The following DDHD1 variants were observed in gnomAD, a reference collection of about 807,000 sequenced individuals.
The protein encoded by DDHD1 is phospholipase DDHD1.
Under a neutral mutation model 96.4 loss-of-function variants are expected in DDHD1, and 49 were observed. That is an observed-to-expected ratio of 0.51 (90% CI 0.40 to 0.64). The LOEUF (loss-of-function observed/expected upper bound fraction) is 0.64, where lower values mean the gene tolerates loss of function less well. Among genes scored for constraint, DDHD1 ranks in the 30% least tolerant of loss-of-function variants. DDHD1 has a pLI of 0.00. For synonymous variants in DDHD1, 442 were observed against 446.5 expected, an observed-to-expected ratio of 0.99 and a Z score of 0.13; for missense variants, 1,106 against 1,161.2, an observed-to-expected ratio of 0.95 and a Z score of 0.69.
In DDHD1 at chr14:53,091,874, G is replaced by A; in HGVS notation, c.1200C>T (p.Asp400=). Residue 400 remains aspartate (D), a synonymous_variant, in exon 4 of 13, where the codon GAC becomes GAT. Coordinates refer to ENST00000673822, the MANE Select transcript of DDHD1 (RefSeq NM_001160148.2). The stretch of plus-strand genomic sequence containing the variant: ...CAATATGGGTAGTCTGTGATGGCTT[G>A]TCTTCTAATGTGGCTTCTTCTACAT... ...RGYVEEATLE[D]KPSQTTHIVF... is the part of the protein sequence containing the mutation. The A allele has an allele frequency of 6.2e-7, 1 of 1,613,620 alleles. No homozygotes were observed. The highest frequency in any genetic ancestry group is 8.5e-7 in the Non-Finnish European group (1 of 1,179,722).
chr14:53,092,141 G>C (rs945620115), intron 3 of DDHD1: 8 of 371,920 alleles, frequency 2.2e-5, no homozygotes, highest in Non-Finnish European at 3.8e-5. Flanking sequence ...AAACCATAAA[G>C]AGAAAGAAAT....
At chr14:53,149,051 C>T (rs1414839764) in intron 1 of DDHD1, among the ~76,000 whole-genome samples, 1 of 152,092 alleles carries the variant, frequency 6.6e-6, no homozygotes, top group Non-Finnish European at 1.5e-5. Flanking sequence ...TCTAAACATA[C>T]AATAAAACAA....
chr14:53,062,880 G>C (rs767002557), intron 7 of DDHD1, 63 bp downstream of exon 7: 1 of 1,523,730 alleles, frequency 6.6e-7, no homozygotes, highest in South Asian at 1.2e-5. Flanking sequence ...TAGTTTTCTC[G>C]TAAGAGGTCC....
At chr14:53,137,256 A>G (rs1890304167) in intron 1 of DDHD1, among the ~76,000 whole-genome samples, 1 of 152,222 alleles carries the variant, frequency 6.6e-6, no homozygotes, top group Admixed American at 6.6e-5. Context: ...ACAGCAATAG[A>G]AACATAATAG....
intron 1 of DDHD1, among the ~76,000 whole-genome samples, chr14:53,121,495 G>A (rs976908743): frequency 7.9e-5 from 12 of 152,110 alleles, no homozygotes; most frequent in African/African-American, 2.7e-4. Context: ...TGTTCACTGT[G>A]GCACTATTTA....
intron 10 of DDHD1, among the ~76,000 whole-genome samples, chr14:53,055,071 A>C (rs1307598424): frequency 6.6e-6 from 1 of 152,242 alleles, no homozygotes; most frequent in Non-Finnish European, 1.5e-5. Flanking sequence ...AGTCCAGGAG[A>C]TAAAGCCTAT....
chr14:53,060,988 C>T, intron 8 of DDHD1, 138 bp downstream of exon 8: 9 of 789,232 alleles, frequency 1.1e-5, no homozygotes, highest in Non-Finnish European at 1.8e-5. Flanking sequence ...ATGGCAGTGT[C>T]CAACATATAG....
chr14:53,121,053 G>A (rs1251846630), intron 1 of DDHD1, among the ~76,000 whole-genome samples: 2 of 151,756 alleles, frequency 1.3e-5, no homozygotes, highest in East Asian at 1.9e-4. Flanking sequence ...CCTGACAAAG[G>A]TCTAATATCC....
rs770647790 is a variant in DDHD1, at chr14:53,072,551, G to A, written c.1503+46C>T. 17 of 1,097,512 alleles carry A rather than the reference G, an allele frequency of 1.5e-5. No homozygotes were observed. The Middle Eastern group carries it at 6.4e-4, about 42-fold the overall frequency. 68.0% of individuals were successfully genotyped at this position (1,097,512 alleles called of 1,614,324 possible). On this transcript the variant is annotated intron_variant, in intron 6 of 12. Transcript: ENST00000673822. ...ATGTAAAAATTCAGGACATTTATAA[G>A]CTATCACTAAAAAATACCCACCAGC...
chr14:53,114,746 G>C (rs1330820949), intron 1 of DDHD1, among the ~76,000 whole-genome samples: 1 of 152,196 alleles, frequency 6.6e-6, no homozygotes. Context: ...ATCAAAGGTA[G>C]ATAAATCCAC....
intron 1 of DDHD1, among the ~76,000 whole-genome samples, chr14:53,118,105 G>A (rs1448135207): frequency 1.3e-5 from 2 of 152,080 alleles, no homozygotes; most frequent in African/African-American, 4.8e-5. Flanking sequence ...AAACAGAAAG[G>A]AACAGCATCA....
At chr14:53,051,995 A>G (rs1419160601) in intron 11 of DDHD1, 68 bp from the exon 12 acceptor site, 2 of 1,104,576 alleles carry the variant, frequency 1.8e-6, no homozygotes, top group Non-Finnish European at 2.7e-6. Flanking sequence ...TCAATGATGT[A>G]GTGGCCAAAA....
chr14:53,117,242 T>C (rs866999960), intron 1 of DDHD1, among the ~76,000 whole-genome samples: 21 of 152,142 alleles, frequency 1.4e-4, no homozygotes, highest in Non-Finnish European at 1.3e-4. Flanking sequence ...CAGAAGTGAA[T>C]GATTTCTGCA....
Position 53,043,809 on chromosome 14 carries a change from T to C in DDHD1, c.*2959A>G, listed in dbSNP as rs934798243. On this transcript the variant is annotated 3_prime_UTR_variant, in exon 13 of 13. Coordinates refer to ENST00000673822, the MANE Select transcript of DDHD1 (RefSeq NM_001160148.2). The stretch of plus-strand genomic sequence containing the variant: ...CAAGATTACTGTTGAAAAGAAAGTA[T>C]GAACTAACATAAGGCCTTAGCAAGA... The C allele has an allele frequency of 3.3e-5, 5 of 152,162 alleles. No individual in the cohort carries two copies. The highest frequency in any genetic ancestry group is 1.2e-4 in the African/African-American group (5 of 41,434). 9.4% of individuals were successfully genotyped at this position (152,162 alleles called of 1,614,324 possible).
intron 1 of DDHD1, among the ~76,000 whole-genome samples, chr14:53,148,837 T>G (rs1279915732): frequency 6.6e-6 from 1 of 152,222 alleles, no homozygotes; most frequent in African/African-American, 2.4e-5. Context: ...ATAAGGTGTA[T>G]AGTTTTTGTG....
chr14:53,088,139 T>C (rs1348427885), intron 4 of DDHD1, among the ~76,000 whole-genome samples: 1 of 152,082 alleles, frequency 6.6e-6, no homozygotes, highest in South Asian at 2.1e-4. Context: ...AATCACTGAA[T>C]AGACCAATAA....
chr14:53,091,898 A>G lies in DDHD1; in HGVS notation c.1176T>C (p.Tyr392=). The change falls in exon 4 of 13, where the codon TAT becomes TAC. Residue 392 remains tyrosine (Y), a synonymous_variant. Transcript: ENST00000673822. ...SSSGTRLHRG[Y]VEEATLEDKP... ...TGTCTTCTAATGTGGCTTCTTCTAC[A>G]TAACCTCTATGAAGTCTGGTACCAC... The G allele has an allele frequency of 6.2e-7, 1 of 1,613,262 alleles. No homozygotes were observed. The highest frequency in any genetic ancestry group is 8.5e-7 in the Non-Finnish European group (1 of 1,179,476).
intron 4 of DDHD1, among the ~76,000 whole-genome samples, chr14:53,078,004 G>C (rs1407843764): frequency 2.0e-5 from 3 of 151,958 alleles, no homozygotes; most frequent in Admixed American, 1.3e-4. Flanking sequence ...ATATGGATAC[G>C]CCACTTTTGT....
At chr14:53,113,508 A>G (rs1470459856) in intron 1 of DDHD1, among the ~76,000 whole-genome samples, 1 of 151,986 alleles carries the variant, frequency 6.6e-6, no homozygotes, top group East Asian at 1.9e-4. Flanking sequence ...AGTGAGACCA[A>G]TGCAGAAGGA....
Sources: allele counts gnomAD v4.1 joint callset (sites outside exome capture counted in the v4.1 genomes callset), GRCh38; gene constraint gnomAD v4.1.1; transcripts MANE v1.5; gene names NCBI Gene and HGNC (gene_info 2026-07-23, HGNC 2026-07-21).